Variants in RERE observed in about 807,000 individuals in gnomAD.
The protein encoded by RERE is arginine-glutamic acid dipeptide repeats protein.
In RERE, 40 loss-of-function variants were observed where a neutral mutation model predicts 146.1. That is an observed-to-expected ratio of 0.27 (90% CI 0.21 to 0.36). The LOEUF (loss-of-function observed/expected upper bound fraction) is 0.36. Among genes scored for constraint, RERE ranks in the 10% least tolerant of loss-of-function variants. The pLI, the probability that RERE is intolerant of heterozygous loss-of-function variation, is 1.00. For missense variants in RERE, 1,933 were observed against 2,138.7 expected, an observed-to-expected ratio of 0.90 and a Z score of 1.90; for synonymous variants, 1,003 against 866.0, an observed-to-expected ratio of 1.16 and a Z score of -2.78.
chr1:8,431,279 C>A (rs1005371414), intron 11 of RERE, among the ~76,000 whole-genome samples: 5 of 152,168 alleles, frequency 3.3e-5, no homozygotes, highest in African/African-American at 1.2e-4. Flanking sequence ...CCTGTCACAT[C>A]AGCAGCGGCA....
chr1:8,376,673 C>G (rs1642269600), intron 12 of RERE, among the ~76,000 whole-genome samples: 1 of 152,240 alleles, frequency 6.6e-6, no homozygotes, highest in Admixed American at 6.5e-5. Context: ...AATAAGTGGC[C>G]TTCACCTGCC....
rs36115213 is a variant in RERE at position 8,496,150 on chromosome 1, T to TAAAAAAAA, written c.1005-996_1005-989dup. ...TGCACTCCAGTGTGAGACCCTGTCTTAAAAAAAAAAAAAAAAAAAGGTGAG... is the reference window on the plus strand; with the variant it reads ...TGCACTCCAGTGTGAGACCCTGTCTTAAAAAAAAAAAAAAAAAAAAAAAAAAAGGTGAG... On this transcript the variant is annotated intron_variant, in intron 9 of 22. Coordinates refer to ENST00000400908, the MANE Select transcript of RERE (RefSeq NM_001042681.2). Among the ~76,000 whole-genome samples, 102 of 118,422 alleles carry TAAAAAAAA rather than the reference T, an allele frequency of 8.6e-4. 1 individual carries two copies. The highest frequency in any genetic ancestry group is 3.7e-3 in the East Asian group (16 of 4,358). The allele number at this position is 118,422 out of a possible 152,430, so 77.7% of individuals were successfully genotyped here. A position where few individuals can be genotyped will look rare whatever the true frequency, so the allele number is the denominator to read the frequency against.
intron 8 of RERE, among the ~76,000 whole-genome samples, chr1:8,501,172 C>T (rs1331753430): frequency 1.3e-5 from 2 of 149,696 alleles, no homozygotes; most frequent in Admixed American, 6.6e-5. Context: ...GGGTCAGCCC[C>T]CTGCCCGGCC....
At chr1:8,386,676 G>A (rs1481861159) in intron 12 of RERE, among the ~76,000 whole-genome samples, 2 of 151,616 alleles carry the variant, frequency 1.3e-5, no homozygotes, top group Non-Finnish European at 2.9e-5. Context: ...ACTCATTATA[G>A]GATGCCCAAT....
At chr1:8,739,844 T>C (rs1640273420) in intron 1 of RERE, among the ~76,000 whole-genome samples, 1 of 149,658 alleles carries the variant, frequency 6.7e-6, no homozygotes, top group South Asian at 2.1e-4. Flanking sequence ...AATACTGATA[T>C]ATTAATTAAT....
At chr1:8,522,688 A>G (rs1323867046) in intron 7 of RERE, among the ~76,000 whole-genome samples, 2 of 151,744 alleles carry the variant, frequency 1.3e-5, no homozygotes, top group African/African-American at 2.4e-5. Flanking sequence ...CCTGGCCAAT[A>G]TGGTGAAACC....
intron 2 of RERE, among the ~76,000 whole-genome samples, chr1:8,647,042 T>G (rs1445343227): frequency 2.0e-5 from 3 of 152,164 alleles, no homozygotes; most frequent in African/African-American, 7.2e-5. Context: ...GCAATGATCA[T>G]GCCATAGCAC....
At chr1:8,727,734 C>T (rs139993370) in intron 1 of RERE, among the ~76,000 whole-genome samples, 1,716 of 152,206 alleles carry the variant, frequency 0.011, 38 homozygotes, top group African/African-American at 0.04. Context: ...CCTCGTGATC[C>T]GCCAGCCTCG....
intron 12 of RERE, among the ~76,000 whole-genome samples, chr1:8,374,361 T>C (rs1028312657): frequency 3.4e-5 from 5 of 147,838 alleles, no homozygotes; most frequent in African/African-American, 1.2e-4. Context: ...AAAAATCAGT[T>C]AAAAAAAATT....
intron 2 of RERE, among the ~76,000 whole-genome samples, chr1:8,639,331 A>G (rs1039883349): frequency 6.6e-5 from 10 of 152,194 alleles, no homozygotes; most frequent in Admixed American, 2.0e-4. Flanking sequence ...TCTCTACAAC[A>G]GCCAGCCTCC....
chr1:8,432,471 G>A (rs1557629546), intron 11 of RERE, among the ~76,000 whole-genome samples: 1 of 152,060 alleles, frequency 6.6e-6, no homozygotes, highest in Non-Finnish European at 1.5e-5. Flanking sequence ...ACAGCACGAG[G>A]CACTGTGCGA....
At chr1:8,702,437 G>C (rs1248939030) in intron 1 of RERE, among the ~76,000 whole-genome samples, 5 of 152,172 alleles carry the variant, frequency 3.3e-5, no homozygotes, top group Non-Finnish European at 5.9e-5. Flanking sequence ...AAACAAGAGA[G>C]GAGAAACAAG....
intron 4 of RERE, among the ~76,000 whole-genome samples, chr1:8,601,285 T>A (rs1052998957): frequency 8.5e-5 from 13 of 152,144 alleles, no homozygotes; most frequent in African/African-American, 3.1e-4. Flanking sequence ...CCCAAAGTGC[T>A]GGGATTACAG....
chr1:8,635,989 T>A (rs1302820720), intron 2 of RERE, among the ~76,000 whole-genome samples: 1 of 151,962 alleles, frequency 6.6e-6, no homozygotes, highest in African/African-American at 2.4e-5. Flanking sequence ...TATTTTATTT[T>A]ATTTTATTTT....
At chr1:8,656,984 T>C (rs1638330580) in intron 1 of RERE, among the ~76,000 whole-genome samples, 1 of 151,956 alleles carries the variant, frequency 6.6e-6, no homozygotes, top group African/African-American at 2.4e-5. Flanking sequence ...GAAAAAATAG[T>C]AATAGTTTGC....
intron 12 of RERE, among the ~76,000 whole-genome samples, chr1:8,376,835 G>A (rs1308393656): frequency 2.6e-5 from 4 of 152,176 alleles, no homozygotes; most frequent in Admixed American, 2.6e-4. Flanking sequence ...TTAAATCAGT[G>A]GTTCTGAACT....
intron 1 of RERE, among the ~76,000 whole-genome samples, chr1:8,789,296 A>AAATAC: frequency 9.7e-6 from 1 of 102,748 alleles, no homozygotes; most frequent in African/African-American, 4.5e-5. Context: ...AAAAAAAAAA[A>AAATAC]AAAAAATATA....
chr1:8,694,178 A>T (rs1267151871), intron 1 of RERE, among the ~76,000 whole-genome samples: 1 of 152,200 alleles, frequency 6.6e-6, no homozygotes. Flanking sequence ...GGAAAAGAAG[A>T]AGTCAAGCTA....
intron 1 of RERE, among the ~76,000 whole-genome samples, chr1:8,809,147 A>AG (rs1276101968): frequency 6.6e-6 from 1 of 150,826 alleles, no homozygotes; most frequent in African/African-American, 2.4e-5. Context: ...TAAAAAAAAA[A>AG]AAAAAAAAAA....
Sources: allele counts gnomAD v4.1 joint callset (sites outside exome capture counted in the v4.1 genomes callset), GRCh38; gene constraint gnomAD v4.1.1; transcripts MANE v1.5; gene names NCBI Gene and HGNC (gene_info 2026-07-23, HGNC 2026-07-21).